TGM2: variants seen among roughly 807,000 people sequenced by gnomAD.
TGM2 encodes the protein protein-glutamine gamma-glutamyltransferase 2.
In TGM2, 53 loss-of-function variants were observed where a neutral mutation model predicts 75.6. The observed-to-expected ratio is 0.70, with a 90% CI of 0.56 to 0.88. The LOEUF is 0.88. Among genes scored for constraint, TGM2 ranks in the 40% least tolerant of loss-of-function variants. TGM2 has a pLI of 0.00. For synonymous variants in TGM2, 374 were observed against 381.1 expected (o/e 0.98, Z 0.22); for missense variants, 842 against 928.5 (o/e 0.91, Z 1.21).
At chr20:38,140,233 G>A (rs972981869) in intron 8 of TGM2, among the ~76,000 whole-genome samples, 3 of 152,252 alleles carry the variant, frequency 2.0e-5, no homozygotes, top group Non-Finnish European at 4.4e-5. Context: ...CACACTGTCC[G>A]CAGACTTCCA....
At chr20:38,139,782 T>C (rs553687836) in intron 8 of TGM2, 128 bp from the exon 9 acceptor site, 24 of 1,273,950 alleles carry the variant, frequency 1.9e-5, no homozygotes, top group Non-Finnish European at 2.6e-5. Flanking sequence ...ACGGAAGGAC[T>C]CCACTTCCAG....
rs1226638616 is a variant in TGM2 at position 38,151,017 on chromosome 20, C to T, written c.474G>A (p.Glu158=). The change falls in exon 4 of 13, where the codon GAG becomes GAA. Residue 158 remains glutamate (E), a synonymous_variant. Coordinates refer to ENST00000361475, the MANE Select transcript of TGM2 (RefSeq NM_004613.4). ...TAAAGCCCTGCTGGGTGAGGACATACTCCTGCCGCTCCTCTTCCGAGTCCA... is the reference window on the plus strand; with the variant it reads ...TAAAGCCCTGCTGGGTGAGGACATATTCCTGCCGCTCCTCTTCCGAGTCCA... ...VYLDSEEERQ[E]YVLTQQGFIY... 3 of 1,614,160 alleles carry T rather than the reference C, an allele frequency of 1.9e-6. No individual in the cohort carries two copies. The highest frequency in any genetic ancestry group is 2.5e-6 in the Non-Finnish European group (3 of 1,180,034).
intron 3 of TGM2, among the ~76,000 whole-genome samples, chr20:38,151,537 T>G (rs1405739112): frequency 3.3e-5 from 5 of 152,186 alleles, no homozygotes; most frequent in Non-Finnish European, 7.3e-5. Context: ...CACCTCACTG[T>G]GTCAGCCCAA....
intron 2 of TGM2, among the ~76,000 whole-genome samples, chr20:38,160,550 T>C (rs2075241182): frequency 6.6e-6 from 1 of 152,000 alleles, no homozygotes; most frequent in African/African-American, 2.4e-5. Flanking sequence ...CTCAGAGAGG[T>C]TAAGTAATTT....
In TGM2 at chr20:38,147,944, C is replaced by A; in HGVS notation, c.681+17G>T. On this transcript the variant is annotated intron_variant, in intron 5 of 12. Coordinates refer to ENST00000361475, the MANE Select transcript of TGM2 (RefSeq NM_004613.4). ...CCTGTAGGCCCCGCCCCTGGATGGG[C>A]CATGCCACTCACTCACCATGCCACT... The A allele has an allele frequency of 6.2e-7, 1 of 1,605,378 alleles. No homozygotes were observed. The highest frequency in any genetic ancestry group is 1.7e-5 in the Admixed American group (1 of 58,718).
chr20:38,158,299 TC>T (rs2075212304), intron 2 of TGM2, among the ~76,000 whole-genome samples: 1 of 152,222 alleles, frequency 6.6e-6, no homozygotes, highest in South Asian at 2.1e-4. Context: ...GGACAGGCTG[TC>T]CCACGGTCCA....
intron 7 of TGM2, 92 bp downstream of exon 7, chr20:38,141,972 C>T (rs2281197): frequency 0.013 from 19,429 of 1,528,296 alleles, 453 homozygotes; most frequent in East Asian, 0.093. Context: ...AGGCCCAATT[C>T]AAATGTGACC....
intron 1 of TGM2, among the ~76,000 whole-genome samples, chr20:38,164,550 C>T (rs2075289737): frequency 6.6e-6 from 1 of 152,142 alleles, no homozygotes; most frequent in African/African-American, 2.4e-5. Context: ...GTCAGGGTGA[C>T]AGATGGGTGG....
At chr20:38,151,412 C>T (rs2075114506) in intron 3 of TGM2, among the ~76,000 whole-genome samples, 1 of 152,094 alleles carries the variant, frequency 6.6e-6, no homozygotes, top group African/African-American at 2.4e-5. Context: ...TATTTTATAG[C>T]TAGGAAAACT....
chr20:38,128,049 T>C lies in TGM2; in HGVS notation c.*2170A>G, dbSNP rs1341993526. The C allele has an allele frequency of 2.0e-5, 3 of 152,234 alleles. No homozygotes were observed. Among genetic ancestry groups the C allele is most frequent in the Non-Finnish European group, 2.9e-5 (2 of 68,048 alleles). 9.4% of individuals were successfully genotyped at this position (152,234 alleles called of 1,614,324 possible). A position where few individuals can be genotyped will look rare whatever the true frequency, so the allele number is the denominator to read the frequency against. ...AAATTTACTGTGATAAATGTTTGAATTGGTCCATATTCCAGGACTCTGGGG... is the reference window on the plus strand; with the variant it reads ...AAATTTACTGTGATAAATGTTTGAACTGGTCCATATTCCAGGACTCTGGGG... On this transcript the variant is annotated 3_prime_UTR_variant, in exon 13 of 13. Transcript: ENST00000361475.
At chr20:38,135,834 G>A (rs2122862312) in intron 10 of TGM2, among the ~76,000 whole-genome samples, 1 of 152,300 alleles carries the variant, frequency 6.6e-6, no homozygotes, top group East Asian at 1.9e-4. Context: ...GCCCCACCGT[G>A]TGCTGGTGCT....
At chr20:38,135,322 G>T (rs1375295653) in intron 10 of TGM2, among the ~76,000 whole-genome samples, 1 of 152,088 alleles carries the variant, frequency 6.6e-6, no homozygotes, top group Non-Finnish European at 1.5e-5. Flanking sequence ...CGATGGGACT[G>T]GGTCTCCAAT....
At chr20:38,155,048 G>A (rs1033159998) in intron 3 of TGM2, among the ~76,000 whole-genome samples, 1 of 152,222 alleles carries the variant, frequency 6.6e-6, no homozygotes, top group South Asian at 2.1e-4. Flanking sequence ...AGAGGTTGCA[G>A]TGAGCTGAGA....
Position 38,128,442 on chromosome 20 carries a change from A to G in TGM2, c.*1777T>C, listed in dbSNP as rs2074788493. 1 of 152,030 alleles carries G rather than the reference A, an allele frequency of 6.6e-6. No homozygotes were observed. The allele number at this position is 152,030 out of a possible 1,614,324, so 9.4% of individuals were successfully genotyped here. ...TACCCATCTCCCTCCAAACTCATAA[A>G]GGAACAGACCAGACCTAGTTTGAGT... On this transcript the variant is annotated 3_prime_UTR_variant, in exon 13 of 13. Transcript: ENST00000361475.
intron 9 of TGM2, among the ~76,000 whole-genome samples, 188 bp from the exon 10 acceptor site, chr20:38,138,573 T>G (rs1183108711): frequency 1.3e-5 from 2 of 152,048 alleles, no homozygotes; most frequent in African/African-American, 4.8e-5. Flanking sequence ...CTCCTATACA[T>G]CCCTCAAGAC....
At chr20:38,165,548 C>T (rs2075303180), upstream of TGM2, among the ~76,000 whole-genome samples, 1 of 152,084 alleles carries the variant, frequency 6.6e-6, no homozygotes. Context: ...CCTGGACACA[C>T]ACACTCAGAT....
upstream of TGM2, chr20:38,165,410 G>A (rs1385918429): frequency 1.5e-5 from 10 of 667,578 alleles, no homozygotes; most frequent in Non-Finnish European, 2.2e-5. Flanking sequence ...CTCACCCAGG[G>A]GACCGGAGCC....
chr20:38,154,034 G>A (rs2122944919), intron 3 of TGM2, among the ~76,000 whole-genome samples: 1 of 152,240 alleles, frequency 6.6e-6, no homozygotes, highest in African/African-American at 2.4e-5. Flanking sequence ...GGCCAGGCTG[G>A]TCTTGAACTC....
Position 38,138,134 on chromosome 20 carries a change from G to C in TGM2, c.1594C>G (p.Leu532Val). The change falls in exon 10 of 13, where the codon CTC becomes GTC. Residue 532 changes from leucine to valine, a missense_variant. Leu to Val is a conservative substitution (Grantham distance 32). Coordinates refer to ENST00000361475, the MANE Select transcript of TGM2 (RefSeq NM_004613.4). ...PECGTKYLLN[L>V]NLEPFSEKSV... is the part of the protein sequence containing the mutation. ...TTACCAGAGAAAGGCTCCAGGTTGA[G>C]GTTGAGCAGGTACTTGGTGCCACAC... The C allele has an allele frequency of 6.3e-7, 1 of 1,597,868 alleles. No homozygotes were observed.
Sources: allele counts gnomAD v4.1 joint callset (sites outside exome capture counted in the v4.1 genomes callset), GRCh38; gene constraint gnomAD v4.1.1; transcripts MANE v1.5; gene names NCBI Gene and HGNC (gene_info 2026-07-23, HGNC 2026-07-21).